BLTP3B: variants seen among roughly 807,000 people sequenced by gnomAD.
BLTP3B encodes UHRF1 (ICBP90) binding protein 1-like.
chr12:100,044,184 C>T, the BLTP3B span, among the ~76,000 whole-genome samples: 6 of 152,008 alleles, frequency 3.9e-5, no homozygotes, highest in Non-Finnish European at 5.9e-5. Context: ...CAGACCTAAG[C>T]TATCCTCTTC....
chr12:100,078,606 C>A, the BLTP3B span, among the ~76,000 whole-genome samples: 2 of 152,130 alleles, frequency 1.3e-5, no homozygotes, highest in African/African-American at 4.8e-5. Flanking sequence ...TTGAGTAAAA[C>A]CTCATGACCA....
the BLTP3B span, among the ~76,000 whole-genome samples, chr12:100,124,096 C>T: frequency 6.6e-6 from 1 of 151,950 alleles, no homozygotes; most frequent in Non-Finnish European, 1.5e-5. Context: ...AAGACCCCAT[C>T]TCTACGAGAA....
the BLTP3B span, among the ~76,000 whole-genome samples, chr12:100,038,302 G>A: frequency 6.6e-6 from 1 of 151,996 alleles, no homozygotes; most frequent in African/African-American, 2.4e-5. Context: ...CCTCTCTCCT[G>A]AGCTCCAGAC....
the BLTP3B span, among the ~76,000 whole-genome samples, chr12:100,075,317 C>T: frequency 6.6e-6 from 1 of 151,096 alleles, no homozygotes; most frequent in Non-Finnish European, 1.5e-5. Context: ...GCTACACCTT[C>T]TACTATATAC....
chr12:100,101,095 G>A, the BLTP3B span, among the ~76,000 whole-genome samples: 1 of 152,102 alleles, frequency 6.6e-6, no homozygotes, highest in South Asian at 2.1e-4. Context: ...CCAACCTAAA[G>A]GCCAACAACT....
the BLTP3B span, chr12:100,108,450 T>C: frequency 6.2e-7 from 1 of 1,613,740 alleles, no homozygotes; most frequent in Non-Finnish European, 8.5e-7. Flanking sequence ...ATCCAACATA[T>C]TCTGGAGTAC....
chr12:100,142,795 C>T, the BLTP3B span: 1 of 1,081,284 alleles, frequency 9.2e-7, no homozygotes, highest in Non-Finnish European at 1.3e-6. Flanking sequence ...ACAGCCGCCG[C>T]CGAGAACCCG....
the BLTP3B span, among the ~76,000 whole-genome samples, chr12:100,128,009 T>TC: frequency 6.6e-6 from 1 of 151,688 alleles, no homozygotes; most frequent in African/African-American, 2.4e-5. Flanking sequence ...CAACACCTTT[T>TC]CCCCCCACCA....
At chr12:100,112,578 G>T in the BLTP3B span, among the ~76,000 whole-genome samples, 2 of 151,928 alleles carry the variant, frequency 1.3e-5, no homozygotes, top group Non-Finnish European at 2.9e-5. Flanking sequence ...AAGTAGACTT[G>T]ATTTAGATTA....
the BLTP3B span, chr12:100,039,463 G>T: frequency 1.1e-6 from 1 of 935,972 alleles, no homozygotes; most frequent in Non-Finnish European, 1.5e-6. Context: ...ATAGCACCTA[G>T]CAAAGCACCT....
At chr12:100,056,934 T>C in the BLTP3B span, among the ~76,000 whole-genome samples, 1 of 152,206 alleles carries the variant, frequency 6.6e-6, no homozygotes, top group African/African-American at 2.4e-5. Context: ...ATGCTTCTAA[T>C]TCCTGTTTAC....
the BLTP3B span, chr12:100,084,419 CACACACAG>C: frequency 1.4e-5 from 17 of 1,197,672 alleles, no homozygotes; most frequent in East Asian, 3.8e-4. Context: ...CACACACACA[CACACACAG>C]AGTGCAAACA....
chr12:100,094,110 G>C, the BLTP3B span, among the ~76,000 whole-genome samples: 1 of 152,122 alleles, frequency 6.6e-6, no homozygotes, highest in Non-Finnish European at 1.5e-5. Context: ...ATGATTTGGG[G>C]ATTTGTTTGT....
the BLTP3B span, among the ~76,000 whole-genome samples, chr12:100,105,040 T>C: frequency 0.014 from 2,086 of 152,188 alleles, 18 homozygotes; most frequent in Non-Finnish European, 0.021. Context: ...GAAGAATCTA[T>C]ACTGTGAAAA....
chr12:100,104,354 C>T, the BLTP3B span, among the ~76,000 whole-genome samples: 5 of 151,554 alleles, frequency 3.3e-5, no homozygotes, highest in Non-Finnish European at 7.4e-5. Flanking sequence ...CAATCAAGTG[C>T]CACCACGCCC....
the BLTP3B span, among the ~76,000 whole-genome samples, chr12:100,090,219 G>T: frequency 1.3e-5 from 2 of 152,188 alleles, no homozygotes; most frequent in Admixed American, 1.3e-4. Context: ...TCTCCTAAAA[G>T]ATGTGGTATG....
chr12:100,137,585 C>T, the BLTP3B span, among the ~76,000 whole-genome samples: 4 of 152,136 alleles, frequency 2.6e-5, no homozygotes, highest in African/African-American at 9.7e-5. Context: ...TCCCAAAGTG[C>T]TTGGATTACA....
chr12:100,070,225 C>CT, the BLTP3B span: 1 of 1,531,296 alleles, frequency 6.5e-7, no homozygotes, highest in South Asian at 1.3e-5. Context: ...CAAAAAACCA[C>CT]AAAAGATTGT....
the BLTP3B span, chr12:100,060,043 A>G: frequency 1.3e-6 from 2 of 1,574,474 alleles, no homozygotes; most frequent in South Asian, 2.4e-5. Context: ...GGGAGATGGA[A>G]CTGTGGAGAC....
Sources: gnomAD v4.1 joint callset for allele counts (sites outside exome capture counted in the v4.1 genomes callset) on GRCh38, gnomAD v4.1.1 for gene constraint, MANE v1.5 for transcripts, NCBI Gene and HGNC (gene_info 2026-07-23, HGNC 2026-07-21) for gene names.